The following SP1 variants were observed in gnomAD, a reference collection of about 807,000 sequenced individuals.
The protein encoded by SP1 is transcription factor Sp1.
In SP1, 6 loss-of-function variants were observed where a neutral mutation model predicts 66.3. That is an observed-to-expected ratio of 0.09 (90% confidence interval 0.05 to 0.18). The LOEUF is 0.18. Among genes scored for constraint, SP1 ranks in the 10% least tolerant of loss-of-function variants. SP1 has a pLI of 1.00. For synonymous variants in SP1, 417 were observed against 360.8 expected (o/e 1.16, Z -1.77); for missense variants, 848 against 964.5 (o/e 0.88, Z 1.60).
rs770417017 is a variant in SP1, at chr12:53,409,265, GGTTA to G, written c.1845-93_1845-90del. 234 of 962,414 alleles carry G rather than the reference GGTTA, an allele frequency of 2.4e-4. 1 individual carries two copies. The highest frequency in any genetic ancestry group is 1.9e-4 in the Non-Finnish European group (121 of 643,596). 59.6% of individuals were successfully genotyped at this position (962,414 alleles called of 1,614,324 possible). ...GACTTTTTCAAAAAATAAAAGTTTG[GGTTA>G]GTTTGGTGTCGATTGGGTGATTGCT... On this transcript the variant is annotated intron_variant, in intron 4 of 5. Coordinates refer to ENST00000327443, the MANE Select transcript of SP1 (RefSeq NM_138473.3).
chr12:53,408,814 G>A (rs1274938390), intron 4 of SP1, among the ~76,000 whole-genome samples: 7 of 152,030 alleles, frequency 4.6e-5, no homozygotes, highest in African/African-American at 1.7e-4. Context: ...GCTGAGGCAG[G>A]AGAATGGCGT....
intron 3 of SP1, among the ~76,000 whole-genome samples, chr12:53,392,237 G>A (rs189295859): frequency 4.1e-4 from 63 of 152,112 alleles, no homozygotes; most frequent in African/African-American, 1.5e-3. Context: ...CTGGAGTGCA[G>A]TGGCGTGATC....
chr12:53,392,253 T>C (rs1383223307), intron 3 of SP1, among the ~76,000 whole-genome samples: 1 of 151,948 alleles, frequency 6.6e-6, no homozygotes, highest in Non-Finnish European at 1.5e-5. Context: ...TGATCTCGGC[T>C]CACTGCAACC....
chr12:53,381,555 C>T (rs1938097655), intron 1 of SP1, 104 bp from the exon 2 acceptor site: 3 of 1,089,368 alleles, frequency 2.8e-6, no homozygotes, highest in East Asian at 2.6e-5. Flanking sequence ...TGGCTTTCGC[C>T]TTCCTGTTAG....
intron 3 of SP1, among the ~76,000 whole-genome samples, chr12:53,389,216 CTTTTT>C (rs71443297): frequency 1.5e-4 from 16 of 106,722 alleles, no homozygotes; most frequent in African/African-American, 2.1e-4. Context: ...TTAAAATGAT[CTTTTT>C]TTTTTTTTTT....
chr12:53,382,518 G>C lies in SP1; in HGVS notation c.571G>C (p.Ala191Pro). ...TGATGGGCAACAGCTGCAGTTTGCT[G>C]CCACTGGGGCCCAAGTGCAGCAGGA... ...TVDGQQLQFA[A>P]TGAQVQQDGS... is the part of the protein sequence containing the mutation. The change falls in exon 3 of 6, where the codon GCC (alanine) becomes CCC (proline). Residue 191 changes from alanine (A) to proline (P), a missense_variant. By Grantham distance (27) the Ala-to-Pro change is conservative. Coordinates refer to ENST00000327443, the MANE Select transcript of SP1 (RefSeq NM_138473.3). The C allele has an allele frequency of 2.5e-6, 4 of 1,614,160 alleles. No homozygotes were observed. Among genetic ancestry groups the C allele is most frequent in the Non-Finnish European group, 3.4e-6 (4 of 1,180,034 alleles).
chr12:53,382,586 G>A lies in SP1; in HGVS notation c.639G>A (p.Gln213=). ...QIQIIPGANQ[Q]IITNRGSGGN... ...AGATCATACCAGGTGCAAACCAACA[G>A]ATTATCACAAATCGAGGAAGTGGAG... Residue 213 remains glutamine, a synonymous_variant, in exon 3 of 6, where the codon CAG becomes CAA. Coordinates refer to ENST00000327443, the MANE Select transcript of SP1 (RefSeq NM_138473.3). 1.2e-6 allele frequency: 2 copies of A among 1,614,202 alleles called. No homozygotes were observed. Among genetic ancestry groups the A allele is most frequent in the Non-Finnish European group, 1.7e-6 (2 of 1,180,038 alleles).
At chr12:53,383,890 G>C (rs182285568) in intron 3 of SP1, among the ~76,000 whole-genome samples, 1 of 152,128 alleles carries the variant, frequency 6.6e-6, no homozygotes, top group African/African-American at 2.4e-5. Flanking sequence ...GCAGAATAAT[G>C]GTTGACAAGC....
chr12:53,412,800 G>T lies in SP1; in HGVS notation c.*1560G>T, dbSNP rs1938921550. The T allele has an allele frequency of 2.0e-5, 3 of 152,576 alleles. No individual in the cohort carries two copies. The South Asian group carries it at 6.2e-4, about 32-fold the overall frequency. 9.5% of individuals were successfully genotyped at this position (152,576 alleles called of 1,614,324 possible). On this transcript the variant is annotated 3_prime_UTR_variant, in exon 6 of 6. Transcript: ENST00000327443. Reference sequence around the variant, plus strand: ...AAATTATAACGGCAGGGAACCTAGTGCATTTGGCACTGAGATTTAAATGCA... The same window carrying T: ...AAATTATAACGGCAGGGAACCTAGTTCATTTGGCACTGAGATTTAAATGCA...
Position 53,382,912 on chromosome 12 carries a change from C to G in SP1, c.965C>G (p.Thr322Ser), listed in dbSNP as rs760370832. Residue 322 changes from threonine (T) to serine (S), a missense_variant, in exon 3 of 6, where the codon ACC becomes AGC. By Grantham distance (58) the Thr-to-Ser change is moderately conservative. This residue lies in a region of SP1 where 606 missense variants were observed against 589.9 expected (regional missense o/e 1.03). Coordinates refer to ENST00000327443, the MANE Select transcript of SP1 (RefSeq NM_138473.3). ...SSQASSSSFF[T>S]NANSYSTTTT... Reference sequence around the variant, plus strand: ...CAAGCCAGTTCCAGCTCCTTTTTCACCAATGCCAATAGCTACTCAACTACT... The same window carrying G: ...CAAGCCAGTTCCAGCTCCTTTTTCAGCAATGCCAATAGCTACTCAACTACT... 6.2e-7 allele frequency: 1 copy of G among 1,614,050 alleles called. No homozygotes were observed. Among genetic ancestry groups the G allele is most frequent in the African/African-American group, 1.3e-5 (1 of 74,922 alleles).
At position 53,413,447 on chromosome 12, in the gene SP1, T is replaced by G. The variant is rs910449750; in HGVS notation, c.*2207T>G. 3 of 152,754 alleles carry G rather than the reference T, an allele frequency of 2.0e-5. No individual in the cohort carries two copies. Among genetic ancestry groups the G allele is most frequent in the East Asian group, 3.9e-4 (2 of 5,192 alleles). 9.5% of individuals were successfully genotyped at this position (152,754 alleles called of 1,614,324 possible). A position where few individuals can be genotyped will look rare whatever the true frequency, so the allele number is the denominator to read the frequency against. On this transcript the variant is annotated 3_prime_UTR_variant, in exon 6 of 6. Transcript: ENST00000327443. ...CCAAATTAAGTTTTGGGTAAGTGTG[T>G]TGTTTAATCTGAACTATAGTAACTT...
intron 3 of SP1, among the ~76,000 whole-genome samples, chr12:53,392,327 C>G (rs545505428): frequency 7.9e-4 from 118 of 149,554 alleles, no homozygotes; most frequent in African/African-American, 2.8e-3. Flanking sequence ...ATTACAGGAG[C>G]CCACAGCCAC....
At chr12:53,403,975 T>A (rs928700286) in intron 3 of SP1, among the ~76,000 whole-genome samples, 9 of 144,414 alleles carry the variant, frequency 6.2e-5, no homozygotes, top group African/African-American at 2.3e-4. Flanking sequence ...ACCAAGACCA[T>A]CCTGGCTAAC....
At position 53,411,669 on chromosome 12, in the gene SP1, T is replaced by A. The variant is rs1303893670; in HGVS notation, c.*429T>A. On this transcript the variant is annotated 3_prime_UTR_variant, in exon 6 of 6. Transcript: ENST00000327443. ...TTCTATATTATTATATATATATATA[T>A]ATATATAAAGATATATAGAGATGCA... is the stretch of plus-strand genomic sequence containing the variant. 1 of 147,968 alleles carries A rather than the reference T, an allele frequency of 6.8e-6. No individual in the cohort carries two copies. The highest frequency in any genetic ancestry group is 1.5e-5 in the Non-Finnish European group (1 of 67,176). 9.2% of individuals were successfully genotyped at this position (147,968 alleles called of 1,614,324 possible).
chr12:53,385,727 A>G (rs1232995927), intron 3 of SP1, among the ~76,000 whole-genome samples: 1 of 152,136 alleles, frequency 6.6e-6, no homozygotes, highest in Non-Finnish European at 1.5e-5. Context: ...AGCCTGACCA[A>G]TATGGTGAAA....
intron 3 of SP1, among the ~76,000 whole-genome samples, chr12:53,398,004 T>A (rs1055892318): frequency 2.6e-5 from 4 of 152,202 alleles, no homozygotes; most frequent in Non-Finnish European, 5.9e-5. Context: ...TGTGTGTAGA[T>A]GAACTTCCTT....
intron 3 of SP1, among the ~76,000 whole-genome samples, chr12:53,388,818 A>C (rs1196490917): frequency 2.0e-5 from 3 of 151,984 alleles, no homozygotes; most frequent in Non-Finnish European, 2.9e-5. Context: ...CATCTCTACA[A>C]AAAATATGAA....
chr12:53,389,731 G>T (rs1938308886), intron 3 of SP1, among the ~76,000 whole-genome samples: 1 of 151,898 alleles, frequency 6.6e-6, no homozygotes, highest in Non-Finnish European at 1.5e-5. Context: ...AGCCTCAGAT[G>T]TTTTTCTTAG....
At chr12:53,409,837 G>A (rs1308849653) in intron 5 of SP1, among the ~76,000 whole-genome samples, 1 of 151,834 alleles carries the variant, frequency 6.6e-6, no homozygotes, top group Non-Finnish European at 1.5e-5. Context: ...GTGAAACCCC[G>A]TCTCTACTAA....
Sources: allele counts gnomAD v4.1 joint callset (sites outside exome capture counted in the v4.1 genomes callset), GRCh38; gene constraint gnomAD v4.1.1; regional missense constraint gnomAD v4.1.1; transcripts MANE v1.5; gene names NCBI Gene and HGNC (gene_info 2026-07-23, HGNC 2026-07-21).